Variants in GAB1 observed in about 807,000 individuals in gnomAD.
GAB1 encodes GRB2-associated-binding protein 1.
Under a neutral mutation model 66.5 loss-of-function variants are expected in GAB1, and 19 were observed. The ratio of observed to expected loss-of-function variants is 0.29; its 90% CI spans 0.20 to 0.42. The LOEUF (loss-of-function observed/expected upper bound fraction) is 0.42, where lower values mean the gene tolerates loss of function less well. GAB1 is among the 10% of genes least tolerant of loss of function. GAB1 has a pLI of 1.00. For missense variants in GAB1, 732 were observed against 858.5 expected (o/e 0.85, Z 1.84); for synonymous variants, 294 against 301.4 (o/e 0.98, Z 0.25).
At chr4:143,435,295 T>A (rs1243993815) in intron 3 of GAB1, among the ~76,000 whole-genome samples, 1 of 152,190 alleles carries the variant, frequency 6.6e-6, no homozygotes, top group Non-Finnish European at 1.5e-5. Context: ...CAGAAAAAAA[T>A]TTATAAATCA....
chr4:143,353,808 A>G (rs1446488765), intron 1 of GAB1, among the ~76,000 whole-genome samples: 1 of 152,174 alleles, frequency 6.6e-6, no homozygotes, highest in Non-Finnish European at 1.5e-5. Context: ...TACATGCTCT[A>G]GAAACCCAGG....
At chr4:143,466,759 G>A (rs1735813781) in intron 9 of GAB1, among the ~76,000 whole-genome samples, 1 of 151,954 alleles carries the variant, frequency 6.6e-6, no homozygotes, top group African/African-American at 2.4e-5. Context: ...CAAAAGTGCT[G>A]GGATTACAGG....
At chr4:143,389,043 C>T (rs1253167937) in intron 1 of GAB1, among the ~76,000 whole-genome samples, 3 of 152,146 alleles carry the variant, frequency 2.0e-5, no homozygotes, top group Non-Finnish European at 4.4e-5. Flanking sequence ...CACCAGCCTG[C>T]CAGGGACACA....
At chr4:143,416,999 T>C (rs1455467225) in intron 2 of GAB1, among the ~76,000 whole-genome samples, 1 of 151,780 alleles carries the variant, frequency 6.6e-6, no homozygotes, top group African/African-American at 2.4e-5. Flanking sequence ...CAAAACACAA[T>C]GAACAAGTAC....
chr4:143,350,040 G>A (rs1560712734), intron 1 of GAB1: 10 of 1,549,472 alleles, frequency 6.5e-6, no homozygotes, highest in Non-Finnish European at 7.8e-6. Flanking sequence ...CGAAACCTCC[G>A]CGGAAGCCAC....
At chr4:143,458,819 C>T (rs1382020117) in intron 6 of GAB1, among the ~76,000 whole-genome samples, 3 of 151,814 alleles carry the variant, frequency 2.0e-5, no homozygotes, top group Non-Finnish European at 4.4e-5. Context: ...TCTAAAGATA[C>T]AAATATTGTT....
chr4:143,376,042 A>C (rs1730402243), intron 1 of GAB1, among the ~76,000 whole-genome samples: 1 of 152,126 alleles, frequency 6.6e-6, no homozygotes, highest in African/African-American at 2.4e-5. Context: ...TTGGAAGGGA[A>C]CTTAGAAATC....
chr4:143,348,936 G>T (rs2149646272), intron 1 of GAB1, among the ~76,000 whole-genome samples: 1 of 152,256 alleles, frequency 6.6e-6, no homozygotes, highest in South Asian at 2.1e-4. Flanking sequence ...CTCACAACCA[G>T]GCTAACTTTG....
intron 6 of GAB1, among the ~76,000 whole-genome samples, chr4:143,456,996 T>G (rs892287395): frequency 1.3e-5 from 2 of 152,222 alleles, no homozygotes; most frequent in African/African-American, 4.8e-5. Context: ...AAACTGAAGC[T>G]AGGCAATCAG....
chr4:143,375,365 C>T (rs986905749), intron 1 of GAB1, among the ~76,000 whole-genome samples: 1 of 152,232 alleles, frequency 6.6e-6, no homozygotes, highest in African/African-American at 2.4e-5. Context: ...TTATACCTAA[C>T]GGACCTTTTA....
intron 2 of GAB1, chr4:143,425,658 G>T: frequency 3.9e-6 from 3 of 760,934 alleles, no homozygotes; most frequent in Non-Finnish European, 7.2e-6. Flanking sequence ...CTTCTACAGA[G>T]ATCCTGAAGT....
chr4:143,436,144 CA>C (rs1733929406), intron 3 of GAB1, among the ~76,000 whole-genome samples: 1 of 152,070 alleles, frequency 6.6e-6, no homozygotes, highest in South Asian at 2.1e-4. Flanking sequence ...ATGGAGAAAA[CA>C]AAAGCTTCAT....
At chr4:143,359,517 T>G (rs1041217550) in intron 1 of GAB1, among the ~76,000 whole-genome samples, 4 of 152,200 alleles carry the variant, frequency 2.6e-5, no homozygotes, top group Non-Finnish European at 5.9e-5. Flanking sequence ...TGCATGATAC[T>G]GTGTCCAGTT....
chr4:143,366,415 G>A (rs927817118), intron 1 of GAB1, among the ~76,000 whole-genome samples: 1 of 152,122 alleles, frequency 6.6e-6, no homozygotes, highest in Non-Finnish European at 1.5e-5. Context: ...AAAAAGAGTA[G>A]AGCCACATAC....
chr4:143,359,953 TGTTA>T (rs1370584867), intron 1 of GAB1, among the ~76,000 whole-genome samples: 1 of 152,220 alleles, frequency 6.6e-6, no homozygotes. Context: ...CATGAGTCAC[TGTTA>T]GTTCAAAATA....
intron 1 of GAB1, among the ~76,000 whole-genome samples, chr4:143,364,868 C>CT (rs745401852): frequency 0.012 from 1,069 of 86,804 alleles, 142 homozygotes; most frequent in African/African-American, 0.035. Context: ...CCTGCATCTA[C>CT]TTTTTTTTTT....
chr4:143,385,941 A>G (rs755724874), intron 1 of GAB1, among the ~76,000 whole-genome samples: 55 of 152,314 alleles, frequency 3.6e-4, no homozygotes, highest in Non-Finnish European at 5.6e-4. Flanking sequence ...GGAGTTCAAG[A>G]CAAGCCGGAG....
intron 1 of GAB1, among the ~76,000 whole-genome samples, chr4:143,373,406 C>G (rs1370733596): frequency 1.3e-5 from 2 of 152,172 alleles, no homozygotes; most frequent in East Asian, 3.9e-4. Flanking sequence ...TATGACATTT[C>G]AAATAACTGT....
chr4:143,381,901 C>T (rs1730673123), intron 1 of GAB1: 1 of 152,206 alleles, frequency 6.6e-6, no homozygotes, highest in African/African-American at 2.4e-5. Context: ...CAGTTGAAGT[C>T]ACTGACTTGG....
Sources: allele counts gnomAD v4.1 joint callset (sites outside exome capture counted in the v4.1 genomes callset), GRCh38; gene constraint gnomAD v4.1.1; transcripts MANE v1.5; gene names NCBI Gene and HGNC (gene_info 2026-07-23, HGNC 2026-07-21).